Variants in FAM110B observed in about 807,000 individuals in gnomAD.
The protein encoded by FAM110B is family with sequence similarity 110 member B, also known as protein FAM110B.
FAM110B carries 6 observed loss-of-function variants against 20.4 expected under a neutral mutation model. The observed-to-expected ratio is 0.29, with a 90% CI of 0.16 to 0.58. The LOEUF (loss-of-function observed/expected upper bound fraction) is 0.58. Among genes scored for constraint, FAM110B ranks in the 20% least tolerant of loss-of-function variants. FAM110B has a pLI of 0.90. For missense variants in FAM110B, 434 were observed against 498.2 expected, an observed-to-expected ratio of 0.87 and a Z score of 1.23; for synonymous variants, 226 against 214.1, an observed-to-expected ratio of 1.06 and a Z score of -0.49.
chr8:58,023,967 A>G (rs563965509), intron 1 of FAM110B, among the ~76,000 whole-genome samples: 6 of 152,328 alleles, frequency 3.9e-5, no homozygotes, highest in African/African-American at 1.4e-4. Flanking sequence ...GCAACCAAGT[A>G]TATTTATCCT....
rs6987309 is a variant in FAM110B at position 58,007,173 on chromosome 8, G to A, written c.-512+12367G>A. Among the ~76,000 whole-genome samples the A allele has an allele frequency of 7.9e-3, 1,206 of 151,936 alleles. 15 individuals are homozygous for A. Among genetic ancestry groups the A allele is most frequent in the African/African-American group, 0.027 (1,110 of 41,422 alleles). On this transcript the variant is annotated intron_variant, in intron 1 of 3. Coordinates refer to ENST00000519262, the MANE Select transcript of FAM110B (RefSeq NM_001377989.1). ...CTTCACCTTCACCATCTCTTAAAAC[G>A]TCACTTCTCTGGTCTGAACCCCAAG...
At chr8:58,107,026 T>G (rs1268594583) in intron 3 of FAM110B, among the ~76,000 whole-genome samples, 1 of 152,176 alleles carries the variant, frequency 6.6e-6, no homozygotes, top group Non-Finnish European at 1.5e-5. Context: ...GGTTTTGGGT[T>G]ATATGGTTAT....
intron 3 of FAM110B, among the ~76,000 whole-genome samples, chr8:58,133,488 G>A (rs947080840): frequency 6.6e-6 from 1 of 152,168 alleles, no homozygotes; most frequent in Non-Finnish European, 1.5e-5. Context: ...CTCACCATTC[G>A]GGAATGAGGA....
At chr8:58,088,896 T>C (rs1378809821) in intron 3 of FAM110B, among the ~76,000 whole-genome samples, 2 of 152,360 alleles carry the variant, frequency 1.3e-5, no homozygotes, top group East Asian at 3.9e-4. Flanking sequence ...ACATTTTTCC[T>C]TGTTACAAGA....
rs1806744318 is a variant in FAM110B, at chr8:58,100,237, C to T, written c.-325+24614C>T. On this transcript the variant is annotated intron_variant, in intron 3 of 3. Transcript: ENST00000519262. Reference sequence around the variant, plus strand: ...GCACTTCCCTGGAGTTAATCTGGTGCTTCCTTTAGATTTTGAAAAAAAAAA... The same window carrying T: ...GCACTTCCCTGGAGTTAATCTGGTGTTTCCTTTAGATTTTGAAAAAAAAAA... Among the ~76,000 whole-genome samples the T allele has an allele frequency of 2.1e-5, 3 of 145,564 alleles. No individual in the cohort carries two copies. In the South Asian group the frequency reaches 6.5e-4, roughly 32 times the overall value.
At chr8:58,064,703 A>G (rs866573620) in intron 2 of FAM110B, among the ~76,000 whole-genome samples, 10 of 152,196 alleles carry the variant, frequency 6.6e-5, no homozygotes, top group African/African-American at 2.4e-4. Context: ...TAAATGCTTT[A>G]TGTGTACATT....
At chr8:58,037,306 GGTTTGTTT>G (rs34287683) in intron 2 of FAM110B, among the ~76,000 whole-genome samples, 14 of 146,572 alleles carry the variant, frequency 9.6e-5, no homozygotes, top group African/African-American at 1.6e-4. Context: ...AAGTTTTTTT[GGTTTGTTT>G]GTTTGTTTGT....
intron 3 of FAM110B, among the ~76,000 whole-genome samples, chr8:58,126,519 G>T (rs1807509207): frequency 6.6e-6 from 1 of 152,042 alleles, no homozygotes; most frequent in African/African-American, 2.4e-5. Flanking sequence ...TACTATCAAG[G>T]CATATAGTGA....
In FAM110B at chr8:57,994,554, A is replaced by G. The variant is rs1376015081; in HGVS notation, c.-764A>G. The G allele has an allele frequency of 6.6e-6, 1 of 152,090 alleles. No individual in the cohort carries two copies. Among genetic ancestry groups the G allele is most frequent in the African/African-American group, 2.4e-5 (1 of 41,262 alleles). 9.4% of individuals were successfully genotyped at this position (152,090 alleles called of 1,614,324 possible). A position where few individuals can be genotyped will look rare whatever the true frequency, so the allele number is the denominator to read the frequency against. ...CGGCGAAGCCTGCCTGAGCCCTCCC[A>G]CTCGGTGCAGACCGAACCATCGCGG... On this transcript the variant is annotated 5_prime_UTR_variant, in exon 1 of 4. Transcript: ENST00000519262.
rs1585927050 is a variant in FAM110B, at chr8:58,148,051, T to C, written c.*708T>C. ...GGAGGTTGGGTGTTTGGGGGTTTTG[T>C]TGATGTTGTTCTGATTGGGATAATT... On this transcript the variant is annotated 3_prime_UTR_variant, in exon 4 of 4. Transcript: ENST00000519262. The C allele has an allele frequency of 6.0e-6, 1 of 167,010 alleles. No individual in the cohort carries two copies. The allele number at this position is 167,010 out of a possible 1,614,324, so 10.3% of individuals were successfully genotyped here.
In FAM110B at chr8:58,088,836, C is replaced by T. The variant is rs113890487; in HGVS notation, c.-325+13213C>T. The stretch of plus-strand genomic sequence containing the variant: ...TGATCAGAGGGCTCATGGGGTGCAA[C>T]ATGTACACCAACTTGCTGCCTTGTA... On this transcript the variant is annotated intron_variant, in intron 3 of 3. Coordinates refer to ENST00000519262, the MANE Select transcript of FAM110B (RefSeq NM_001377989.1). Among the ~76,000 whole-genome samples, 419 of 152,340 alleles carry T rather than the reference C, an allele frequency of 2.8e-3. 1 individual carries two copies. The highest frequency in any genetic ancestry group is 9.6e-3 in the African/African-American group (401 of 41,578).
At chr8:58,081,555 G>A (rs979338693) in intron 3 of FAM110B, among the ~76,000 whole-genome samples, 3 of 152,124 alleles carry the variant, frequency 2.0e-5, no homozygotes, top group East Asian at 1.9e-4. Context: ...GCTCTGAAAC[G>A]TTGTTTCTCC....
At chr8:58,057,826 G>A (rs1015360263) in intron 2 of FAM110B, among the ~76,000 whole-genome samples, 1 of 152,234 alleles carries the variant, frequency 6.6e-6, no homozygotes, top group African/African-American at 2.4e-5. Context: ...TTTGGCATGG[G>A]ACCAGGCACA....
At chr8:58,030,543 G>A (rs930450714) in intron 1 of FAM110B, among the ~76,000 whole-genome samples, 2 of 146,374 alleles carry the variant, frequency 1.4e-5, no homozygotes, top group African/African-American at 5.3e-5. Flanking sequence ...TGCTGAGGAC[G>A]CTGGCATAGA....
At chr8:58,136,627 G>A (rs991757776) in intron 3 of FAM110B, among the ~76,000 whole-genome samples, 12 of 152,086 alleles carry the variant, frequency 7.9e-5, no homozygotes, top group South Asian at 4.2e-4. Flanking sequence ...CTGGTTATGC[G>A]CAGCACTGAT....
At chr8:57,999,792 G>C (rs1804256334) in intron 1 of FAM110B, among the ~76,000 whole-genome samples, 2 of 152,116 alleles carry the variant, frequency 1.3e-5, no homozygotes, top group South Asian at 4.2e-4. Flanking sequence ...GTGCAGTCGA[G>C]AATGGGGGCC....
At chr8:58,060,117 T>C (rs1805625477) in intron 2 of FAM110B, among the ~76,000 whole-genome samples, 1 of 152,164 alleles carries the variant, frequency 6.6e-6, no homozygotes, top group Non-Finnish European at 1.5e-5. Flanking sequence ...CACTGAAATG[T>C]TGGGATTACA....
At chr8:58,055,352 A>T (rs1805526146) in intron 2 of FAM110B, among the ~76,000 whole-genome samples, 1 of 152,178 alleles carries the variant, frequency 6.6e-6, no homozygotes, top group Non-Finnish European at 1.5e-5. Context: ...ACTGTGTTGG[A>T]ATAGGTTTGA....
chr8:58,115,464 G>C (rs1807181759), intron 3 of FAM110B, among the ~76,000 whole-genome samples: 1 of 152,006 alleles, frequency 6.6e-6, no homozygotes, highest in Non-Finnish European at 1.5e-5. Flanking sequence ...CACAATCTCG[G>C]CTCACTGCAA....
Sources: gnomAD v4.1 joint callset for allele counts (sites outside exome capture counted in the v4.1 genomes callset) on GRCh38, gnomAD v4.1.1 for gene constraint, MANE v1.5 for transcripts, NCBI Gene and HGNC (gene_info 2026-07-23, HGNC 2026-07-21) for gene names.